Variants in CLEC4A observed in about 807,000 individuals in gnomAD.
The protein encoded by CLEC4A is C-type lectin domain family 4 member A, also known as C-type (calcium dependent, carbohydrate-recognition domain) lectin, superfamily member 6.
Under a neutral mutation model 32.7 loss-of-function variants are expected in CLEC4A, and 27 were observed. That is an observed-to-expected ratio of 0.83 (90% CI 0.61 to 1.14). CLEC4A has a LOEUF of 1.14. Ranked by LOEUF, CLEC4A falls within the 50% of genes most tolerant of loss-of-function variation. The probability of loss-of-function intolerance (pLI) is 0.00; values close to 1 mark genes in which losing one functional copy is unlikely to be tolerated. For synonymous variants in CLEC4A, 89 were observed against 93.7 expected, an observed-to-expected ratio of 0.95 and a Z score of 0.29; for missense variants, 253 against 274.6, an observed-to-expected ratio of 0.92 and a Z score of 0.55.
intron 1 of CLEC4A, among the ~76,000 whole-genome samples, chr12:8,124,894 A>G (rs943341191): frequency 4.6e-5 from 7 of 152,212 alleles, no homozygotes; most frequent in African/African-American, 1.4e-4. Context: ...ATACAAATAC[A>G]TATAATGTGC....
the CLEC4A span, among the ~76,000 whole-genome samples, chr12:8,115,087 G>C: frequency 2.6e-5 from 4 of 152,208 alleles, no homozygotes; most frequent in Admixed American, 2.6e-4. Context: ...TTAGGGCTAA[G>C]TGCAGACTGT....
chr12:8,134,975 T>TTTTTTTTTTTTTTTG, intron 3 of CLEC4A: 1 of 304,558 alleles, frequency 3.3e-6, no homozygotes. Flanking sequence ...GTTGAAGCGT[T>TTTTTTTTTTTTTTTG]TTTGTTTTTT....
chr12:8,127,864 A>G (rs1947929118), intron 2 of CLEC4A, among the ~76,000 whole-genome samples: 1 of 152,212 alleles, frequency 6.6e-6, no homozygotes, highest in Admixed American at 6.5e-5. Flanking sequence ...AGAGGTAGAC[A>G]ATATAGGATC....
At chr12:8,118,395 TAAA>T in the CLEC4A span, among the ~76,000 whole-genome samples, 63 of 147,738 alleles carry the variant, frequency 4.3e-4, no homozygotes, top group Middle Eastern at 3.4e-3. Flanking sequence ...TGCACTGCTA[TAAA>T]AAAAAAAAAA....
intron 3 of CLEC4A, chr12:8,133,818 G>C: frequency 6.3e-7 from 1 of 1,586,396 alleles, no homozygotes; most frequent in Non-Finnish European, 8.6e-7. Context: ...GAGACAGGGG[G>C]AAAGGCTTCC....
At chr12:8,131,934 C>T (rs1412269923) in intron 3 of CLEC4A, among the ~76,000 whole-genome samples, 2 of 151,930 alleles carry the variant, frequency 1.3e-5, no homozygotes, top group African/African-American at 2.4e-5. Context: ...CATAGACCAA[C>T]CCATCACCCA....
the CLEC4A span, among the ~76,000 whole-genome samples, chr12:8,104,913 T>C: frequency 6.6e-6 from 1 of 152,236 alleles, no homozygotes; most frequent in Non-Finnish European, 1.5e-5. Flanking sequence ...TCTTTTTCTT[T>C]TTTTATGGCT....
the CLEC4A span, among the ~76,000 whole-genome samples, chr12:8,106,551 ATC>A: frequency 2.6e-5 from 4 of 152,124 alleles, no homozygotes; most frequent in Non-Finnish European, 4.4e-5. Context: ...TGCTTGTGTC[ATC>A]TCTGATTTCT....
chr12:8,107,279 G>A, the CLEC4A span, among the ~76,000 whole-genome samples: 18 of 152,262 alleles, frequency 1.2e-4, no homozygotes, highest in African/African-American at 4.3e-4. Context: ...TGGTTTGCTT[G>A]TATTTTGTTG....
At chr12:8,133,990 T>G in intron 3 of CLEC4A, 1 of 1,607,832 alleles carries the variant, frequency 6.2e-7, no homozygotes, top group Non-Finnish European at 8.5e-7. Context: ...AGCCACTGCT[T>G]GATCGCTTGC....
intron 1 of CLEC4A, among the ~76,000 whole-genome samples, chr12:8,124,439 G>A (rs905417966): frequency 2.6e-5 from 4 of 152,184 alleles, no homozygotes; most frequent in African/African-American, 9.7e-5. Flanking sequence ...GTAACAAAAG[G>A]CCTTTGCAAA....
At chr12:8,131,308 C>T (rs1251429125) in intron 3 of CLEC4A, among the ~76,000 whole-genome samples, 2 of 152,180 alleles carry the variant, frequency 1.3e-5, no homozygotes, top group East Asian at 3.9e-4. Context: ...TCAGTCCACA[C>T]TTAAGGACTG....
At chr12:8,131,359 C>G (rs1190437444) in intron 3 of CLEC4A, among the ~76,000 whole-genome samples, 1 of 152,260 alleles carries the variant, frequency 6.6e-6, no homozygotes, top group East Asian at 1.9e-4. Flanking sequence ...ATTATGGTAT[C>G]AGTCATGGTC....
chr12:8,118,070 GA>G, the CLEC4A span, among the ~76,000 whole-genome samples: 1 of 149,906 alleles, frequency 6.7e-6, no homozygotes, highest in South Asian at 2.1e-4. Flanking sequence ...GAGGAAAGGG[GA>G]AAAAAAAAGG....
chr12:8,127,915 G>A (rs1206400293), intron 2 of CLEC4A, among the ~76,000 whole-genome samples: 3 of 152,118 alleles, frequency 2.0e-5, no homozygotes, highest in Non-Finnish European at 2.9e-5. Context: ...TTAAGTTTTG[G>A]GCATGTTGAG....
chr12:8,129,397 A>G lies in CLEC4A; in HGVS notation c.298+35A>G, dbSNP rs760645909. ...AATGTGCCTAGAATTCAGTTGCTGA[A>G]TGTACTATGTAAGGATCCCAAATCA... On this transcript the variant is annotated intron_variant, in intron 3 of 5. Transcript: ENST00000229332. The G allele has an allele frequency of 3.5e-5, 46 of 1,312,620 alleles. 2 individuals carry two copies. In the South Asian group the frequency reaches 5.0e-4, roughly 14 times the overall value. The allele number at this position is 1,312,620 out of a possible 1,614,324, so 81.3% of individuals were successfully genotyped here.
the CLEC4A span, among the ~76,000 whole-genome samples, chr12:8,117,610 A>G: frequency 6.6e-6 from 1 of 152,152 alleles, no homozygotes; most frequent in Admixed American, 6.5e-5. Flanking sequence ...CAATTTGCCT[A>G]TTTTGTCATT....
chr12:8,129,139 TTCCCTCTAC>T, intron 2 of CLEC4A, 116 bp from the exon 3 acceptor site: 1 of 617,578 alleles, frequency 1.6e-6, no homozygotes, highest in South Asian at 2.0e-5. Flanking sequence ...GGGAAATCTT[TTCCCTCTAC>T]TCCAGTAATA....
At chr12:8,117,071 T>G in the CLEC4A span, among the ~76,000 whole-genome samples, 2 of 152,188 alleles carry the variant, frequency 1.3e-5, no homozygotes, top group Non-Finnish European at 2.9e-5. Context: ...ATTCTTTTAA[T>G]ATAGTTATAG....
Sources: allele counts gnomAD v4.1 joint callset (sites outside exome capture counted in the v4.1 genomes callset), GRCh38; gene constraint gnomAD v4.1.1; transcripts MANE v1.5; gene names NCBI Gene and HGNC (gene_info 2026-07-23, HGNC 2026-07-21).